The following IL7R variants were observed in gnomAD, a reference collection of about 807,000 sequenced individuals.
The protein encoded by IL7R is interleukin-7 receptor subunit alpha.
Under a neutral mutation model 47.0 loss-of-function variants are expected in IL7R, and 38 were observed. That is an observed-to-expected ratio of 0.81 (90% CI 0.62 to 1.06). The LOEUF is 1.06. Ranked by LOEUF, IL7R falls within the 50% of genes least tolerant of loss-of-function variation. The pLI is 0.00. For synonymous variants in IL7R, 221 were observed against 199.8 expected, an observed-to-expected ratio of 1.11 and a Z score of -0.89; for missense variants, 633 against 534.8, an observed-to-expected ratio of 1.18 and a Z score of -1.81.
chr5:35,871,617 C>G (rs984044824), intron 4 of IL7R, among the ~76,000 whole-genome samples: 12 of 151,754 alleles, frequency 7.9e-5, no homozygotes, highest in African/African-American at 2.2e-4. Context: ...TTCATGGGAC[C>G]AGCATGAGGT....
At chr5:35,868,714 AG>A (rs1345573712) in intron 3 of IL7R, among the ~76,000 whole-genome samples, 3 of 152,228 alleles carry the variant, frequency 2.0e-5, no homozygotes, top group Non-Finnish European at 4.4e-5. Context: ...TGAGCAGAGA[AG>A]GCAGAGGTTC....
At chr5:35,868,835 G>A (rs542491286) in intron 3 of IL7R, among the ~76,000 whole-genome samples, 54 of 152,216 alleles carry the variant, frequency 3.5e-4, no homozygotes, top group African/African-American at 1.2e-3. Flanking sequence ...CACACCAAGA[G>A]CCTCCAGGTG....
In IL7R at chr5:35,878,935, C is replaced by T. The variant is rs1204330974; in HGVS notation, c.*2449C>T. On this transcript the variant is annotated 3_prime_UTR_variant, in exon 8 of 8. Coordinates refer to ENST00000303115, the MANE Select transcript of IL7R (RefSeq NM_002185.5). ...TATCTTTGGAATTTAGTGTCTGAGCCTCTGTCTGTTACTGTAGTATTTAAA... is the reference window on the plus strand; with the variant it reads ...TATCTTTGGAATTTAGTGTCTGAGCTTCTGTCTGTTACTGTAGTATTTAAA... The T allele has an allele frequency of 4.3e-6, 1 of 232,820 alleles. No individual in the cohort carries two copies. Among genetic ancestry groups the T allele is most frequent in the Non-Finnish European group, 8.5e-6 (1 of 117,898 alleles). 14.4% of individuals were successfully genotyped at this position (232,820 alleles called of 1,614,324 possible). A position where few individuals can be genotyped will look rare whatever the true frequency, so the allele number is the denominator to read the frequency against.
At position 35,873,319 on chromosome 5, in the gene IL7R, C is replaced by T. The variant is rs186510647; in HGVS notation, c.538-161C>T. On this transcript the variant is annotated intron_variant, in intron 4 of 7. Transcript: ENST00000303115. ...AGCTCAGATTCTGTCCCTAATTTTG[C>T]TGTTGACTCCTTTACGTATCAGAGC... 672 of 682,186 alleles carry T rather than the reference C, an allele frequency of 9.9e-4. 2 individuals are homozygous for T. In the East Asian group the frequency reaches 0.014, roughly 14 times the overall value. The allele number at this position is 682,186 out of a possible 1,614,324, so 42.3% of individuals were successfully genotyped here.
At chr5:35,875,811 C>A in intron 7 of IL7R, 172 bp from the exon 8 acceptor site, 1 of 823,252 alleles carries the variant, frequency 1.2e-6, no homozygotes, top group Non-Finnish European at 2.0e-6. Context: ...GTGGTCACTT[C>A]AAGTCTTGAA....
rs780917994 is a variant in IL7R, at chr5:35,871,062, C to T, written c.386C>T (p.Pro129Leu). 1 of 1,612,634 alleles carries T rather than the reference C, an allele frequency of 6.2e-7. No individual in the cohort carries two copies. Among genetic ancestry groups the T allele is most frequent in the Non-Finnish European group, 8.5e-7 (1 of 1,178,692 alleles). Residue 129 changes from proline to leucine, a missense_variant, in exon 4 of 8, where the codon CCT becomes CTT. By Grantham distance (98) the Pro-to-Leu change is moderately conservative. Coordinates refer to ENST00000303115, the MANE Select transcript of IL7R (RefSeq NM_002185.5). ...ATTTCTTTTTCTTTTCCAGTTAAAC[C>T]TGAGGCTCCTTTTGACCTGAGTGTC... ...KKIDLTTIVK[P>L]EAPFDLSVVY... is the part of the protein sequence containing the mutation.
At chr5:35,870,758 C>T (rs1421734937) in intron 3 of IL7R, among the ~76,000 whole-genome samples, 1 of 152,156 alleles carries the variant, frequency 6.6e-6, no homozygotes, top group East Asian at 1.9e-4. Context: ...ATGCAGGACT[C>T]CAAGTGGTGG....
At chr5:35,865,520 T>C (rs1759918648) in intron 2 of IL7R, among the ~76,000 whole-genome samples, 1 of 152,204 alleles carries the variant, frequency 6.6e-6, no homozygotes. Flanking sequence ...CTCTGGATCC[T>C]TGAGGACTCG....
At chr5:35,860,706 C>A in intron 1 of IL7R, 146 bp from the exon 2 acceptor site, 1 of 834,460 alleles carries the variant, frequency 1.2e-6, no homozygotes, top group Non-Finnish European at 1.9e-6. Context: ...TTGTCTTTGC[C>A]CTTGGGCTTT....
At chr5:35,874,104 T>A (rs568745106) in intron 5 of IL7R, among the ~76,000 whole-genome samples, 85 of 152,190 alleles carry the variant, frequency 5.6e-4, no homozygotes, top group Middle Eastern at 3.4e-3. Flanking sequence ...AACTGAGACA[T>A]CTCCTCCCTA....
In IL7R at chr5:35,877,193, T is replaced by C. The variant is rs2149907001; in HGVS notation, c.*707T>C. 4.3e-6 allele frequency: 1 copy of C among 233,242 alleles called. No homozygotes were observed. Among genetic ancestry groups the C allele is most frequent in the Non-Finnish European group, 8.5e-6 (1 of 118,094 alleles). 14.4% of individuals were successfully genotyped at this position (233,242 alleles called of 1,614,324 possible). On this transcript the variant is annotated 3_prime_UTR_variant, in exon 8 of 8. Coordinates refer to ENST00000303115, the MANE Select transcript of IL7R (RefSeq NM_002185.5). ...ATCCAAACTGAGTCAGTTTGGAAAG[T>C]GAAAGGGAAACTTACATATAATCCC...
At chr5:35,870,636 T>C (rs1015542741) in intron 3 of IL7R, among the ~76,000 whole-genome samples, 5 of 152,202 alleles carry the variant, frequency 3.3e-5, no homozygotes, top group Admixed American at 2.6e-4. Flanking sequence ...TCAAACACCG[T>C]AGGTTTATTT....
chr5:35,858,614 AC>A (rs1759721665), intron 1 of IL7R, among the ~76,000 whole-genome samples: 1 of 152,212 alleles, frequency 6.6e-6, no homozygotes, highest in African/African-American at 2.4e-5. Context: ...TAATTTCAAA[AC>A]CATAGTAATT....
intron 3 of IL7R, among the ~76,000 whole-genome samples, chr5:35,870,158 C>T (rs1760033686): frequency 6.6e-6 from 1 of 152,190 alleles, no homozygotes; most frequent in African/African-American, 2.4e-5. Context: ...CAACAAGCAG[C>T]CAAGAGGCCA....
At chr5:35,869,028 T>C (rs1037676067) in intron 3 of IL7R, among the ~76,000 whole-genome samples, 1 of 152,124 alleles carries the variant, frequency 6.6e-6, no homozygotes, top group Non-Finnish European at 1.5e-5. Context: ...CTTGGGGCTA[T>C]GGCAAGCACC....
intron 6 of IL7R, 49 bp from the exon 7 acceptor site, chr5:35,875,463 C>T (rs1446949394): frequency 8.1e-7 from 1 of 1,233,106 alleles, no homozygotes; most frequent in Non-Finnish European, 1.2e-6. Context: ...ACTCAGTGTG[C>T]CTGTGCCCTC....
chr5:35,869,663 T>C (rs1760021610), intron 3 of IL7R, among the ~76,000 whole-genome samples: 1 of 152,148 alleles, frequency 6.6e-6, no homozygotes, highest in Non-Finnish European at 1.5e-5. Flanking sequence ...TCCTCTATTA[T>C]TAAAAGATGG....
chr5:35,872,649 T>C (rs979295653), intron 4 of IL7R, among the ~76,000 whole-genome samples: 4 of 152,108 alleles, frequency 2.6e-5, no homozygotes, highest in African/African-American at 7.2e-5. Context: ...AATCTTGACA[T>C]GAAGAAGAAC....
chr5:35,874,401 C>A (rs2149903944), intron 5 of IL7R, 48 bp from the exon 6 acceptor site: 2 of 1,207,564 alleles, frequency 1.7e-6, no homozygotes, highest in Non-Finnish European at 1.2e-6. Context: ...ACCCTACCCC[C>A]ACTGCATGGC....
Sources: allele counts gnomAD v4.1 joint callset (sites outside exome capture counted in the v4.1 genomes callset), GRCh38; gene constraint gnomAD v4.1.1; transcripts MANE v1.5; gene names NCBI Gene and HGNC (gene_info 2026-07-23, HGNC 2026-07-21).